Variants in MED1 observed in about 807,000 individuals in gnomAD.
MED1 encodes mediator of RNA polymerase II transcription subunit 1.
Under a neutral mutation model 121.3 loss-of-function variants are expected in MED1, and 17 were observed. The observed-to-expected ratio is 0.14, with a 90% CI of 0.10 to 0.21. The LOEUF (loss-of-function observed/expected upper bound fraction) is 0.21, where lower values mean the gene tolerates loss of function less well. Ranked by LOEUF, MED1 falls within the 10% of genes least tolerant of loss-of-function variation. MED1 has a pLI of 1.00. For synonymous variants in MED1, 661 were observed against 694.4 expected (o/e 0.95, Z 0.76); for missense variants, 1,558 against 1,919.4 (o/e 0.81, Z 3.52).
chr17:39,406,617 G>GT lies in MED1; in HGVS notation c.*857dup. The GT allele has an allele frequency of 1.0e-6, 1 of 984,060 alleles. No individual in the cohort carries two copies. The highest frequency in any genetic ancestry group is 1.2e-6 in the Non-Finnish European group (1 of 829,326). The allele number at this position is 984,060 out of a possible 1,614,324, so 61.0% of individuals were successfully genotyped here. A position where few individuals can be genotyped will look rare whatever the true frequency, so the allele number is the denominator to read the frequency against. ...TACAAGTCAATACCTCCACAGAGAG[G>GT]TAACTCCTAATATTCCTATGATCTC... On this transcript the variant is annotated 3_prime_UTR_variant, in exon 17 of 17. Transcript: ENST00000300651.
Position 39,427,767 on chromosome 17 carries a change from A to G in MED1, c.673T>C (p.Tyr225His). ...TCCAGTAGGTCAGAAGGAGAGACATAGTACTTCAGGTTCATTAAATGACCT... is the reference window on the plus strand; with the variant it reads ...TCCAGTAGGTCAGAAGGAGAGACATGGTACTTCAGGTTCATTAAATGACCT... ...SGGHLMNLKY[Y>H]VSPSDLLDDK... The change falls in exon 10 of 17, where the codon TAT becomes CAT. Residue 225 changes from tyrosine to histidine, a missense_variant. Tyr to His is a moderately conservative substitution (Grantham distance 83). Around this residue, in one of 5 missense-constraint regions of MED1, gnomAD observed 443 missense variants for 532.4 expected, o/e 0.83. Coordinates refer to ENST00000300651, the MANE Select transcript of MED1 (RefSeq NM_004774.4). 1.2e-6 allele frequency: 2 copies of G among 1,601,346 alleles called. No homozygotes were observed. Among genetic ancestry groups the G allele is most frequent in the Non-Finnish European group, 1.7e-6 (2 of 1,169,356 alleles).
chr17:39,410,421 C>T lies in MED1; in HGVS notation c.1800G>A (p.Gln600=), dbSNP rs2144716620. 1.2e-6 allele frequency: 2 copies of T among 1,614,074 alleles called. No homozygotes were observed. The highest frequency in any genetic ancestry group is 4.5e-5 in the East Asian group (2 of 44,866). Residue 600 remains glutamine (Q), a synonymous_variant, in exon 17 of 17, where the codon CAG becomes CAA. Transcript: ENST00000300651. The stretch of plus-strand genomic sequence containing the variant: ...GCAACAAACTGGTAAGAATTGGGTT[C>T]TGAGACACCTTGCTGAAGTCCTCCC... ...GHGEDFSKVS[Q]NPILTSLLQI... is the part of the protein sequence containing the mutation.
intron 6 of MED1, among the ~76,000 whole-genome samples, chr17:39,435,782 A>G (rs2048612663): frequency 6.6e-6 from 1 of 151,930 alleles, no homozygotes; most frequent in Non-Finnish European, 1.5e-5. Context: ...GCTCACTACA[A>G]CTTCCACCTC....
At chr17:39,445,095 T>C (rs944565392) in intron 2 of MED1, among the ~76,000 whole-genome samples, 22 of 152,172 alleles carry the variant, frequency 1.4e-4, no homozygotes, top group Non-Finnish European at 2.4e-4. Context: ...CTGAAATCTC[T>C]TGATTCTTGA....
At chr17:39,423,856 G>C in intron 11 of MED1, 35 bp from the exon 12 acceptor site, 1 of 1,562,712 alleles carries the variant, frequency 6.4e-7, no homozygotes. Context: ...GTTGGATTCT[G>C]ACTTGATATA....
At chr17:39,446,364 G>A (rs568977523) in intron 2 of MED1, among the ~76,000 whole-genome samples, 9 of 145,848 alleles carry the variant, frequency 6.2e-5, no homozygotes, top group East Asian at 4.1e-4. Flanking sequence ...GCAGGAGAAC[G>A]GCATGAACCC....
At chr17:39,447,718 A>C in intron 2 of MED1, 80 bp downstream of exon 2, 2 of 1,003,304 alleles carry the variant, frequency 2.0e-6, no homozygotes. Flanking sequence ...GATAGTATGA[A>C]CACATCTACA....
rs1372003764 is a variant in MED1 at position 39,405,249 on chromosome 17, A to G, written c.*2226T>C. The G allele has an allele frequency of 6.3e-7, 1 of 1,598,688 alleles. No individual in the cohort carries two copies. The highest frequency in any genetic ancestry group is 1.1e-5 in the South Asian group (1 of 88,106). On this transcript the variant is annotated 3_prime_UTR_variant, in exon 17 of 17. Transcript: ENST00000300651. Reference sequence around the variant, plus strand: ...CAGATGCTGGGTCAGTGTGGGGGTGAGCCCATCGACAATTCAGGGGCTTAT... The same window carrying G: ...CAGATGCTGGGTCAGTGTGGGGGTGGGCCCATCGACAATTCAGGGGCTTAT...
intron 16 of MED1, among the ~76,000 whole-genome samples, chr17:39,414,116 A>G (rs1181157458): frequency 1.3e-5 from 2 of 150,744 alleles, no homozygotes; most frequent in Non-Finnish European, 3.0e-5. Flanking sequence ...AATCCTAGCT[A>G]CTCAGGAGGG....
Position 39,410,356 on chromosome 17 carries a change from G to A in MED1, c.1865C>T (p.Pro622Leu), listed in dbSNP as rs904428289. 16 of 1,613,700 alleles carry A rather than the reference G, an allele frequency of 9.9e-6. No individual in the cohort carries two copies. Among genetic ancestry groups the A allele is most frequent in the Admixed American group, 5.0e-5 (3 of 59,930 alleles). ...TGGCGGCGTGTGATGAGGAGGGGTC[G>A]GACTCGAGCCAATGGTAGACCCCCC... ...GNGGSTIGSS[P>L]TPPHHTPPPV... Residue 622 changes from proline (P) to leucine (L), a missense_variant, in exon 17 of 17, where the codon CCG becomes CTG. Physicochemically the swap from Pro to Leu is moderately conservative, Grantham distance 98. Around this residue, in one of 5 missense-constraint regions of MED1, gnomAD observed 793 missense variants for 898.2 expected, o/e 0.88. Coordinates refer to ENST00000300651, the MANE Select transcript of MED1 (RefSeq NM_004774.4).
At position 39,440,140 on chromosome 17, in the gene MED1, G is replaced by A. The variant is rs1339930828; in HGVS notation, c.399+246C>T. ...GAAAAGAAAGAAAGGAAGGAAGGAA[G>A]GAAGGAAAGGGAAAAGGGTTCCTAT... On this transcript the variant is annotated intron_variant, in intron 5 of 16. Coordinates refer to ENST00000300651, the MANE Select transcript of MED1 (RefSeq NM_004774.4). This position sits in a 1 kb window ranked among gnomAD's most constrained non-coding sequence, Gnocchi z 4.1. Among the ~76,000 whole-genome samples the A allele has an allele frequency of 6.6e-6, 1 of 150,582 alleles. No homozygotes were observed. The highest frequency in any genetic ancestry group is 2.0e-4 in the East Asian group (1 of 5,102).
intron 6 of MED1, 24 bp downstream of exon 6, chr17:39,439,141 G>A (rs2048648286): frequency 6.3e-7 from 1 of 1,588,436 alleles, no homozygotes; most frequent in African/African-American, 1.4e-5. Context: ...TCAATATCAA[G>A]GAATATAAAT....
intron 2 of MED1, among the ~76,000 whole-genome samples, chr17:39,444,201 AT>A (rs2048705024): frequency 6.6e-6 from 1 of 152,082 alleles, no homozygotes; most frequent in Non-Finnish European, 1.5e-5. Flanking sequence ...AGAAAATGAG[AT>A]TGACTCTAAA....
chr17:39,417,032 T>C (rs976756828), intron 14 of MED1, among the ~76,000 whole-genome samples: 3 of 151,964 alleles, frequency 2.0e-5, no homozygotes, highest in East Asian at 1.9e-4. Flanking sequence ...AGCAAGACCC[T>C]GTATCAAGAA....
intron 7 of MED1, 54 bp downstream of exon 7, chr17:39,434,195 T>A (rs2048596944): frequency 4.6e-6 from 6 of 1,290,876 alleles, no homozygotes; most frequent in Non-Finnish European, 2.2e-6. Context: ...TAAGGTGGCT[T>A]ATAGATTTAT....
At chr17:39,417,432 T>A (rs1401292964) in intron 14 of MED1, among the ~76,000 whole-genome samples, 1 of 150,076 alleles carries the variant, frequency 6.7e-6, no homozygotes, top group East Asian at 2.0e-4. Context: ...ATCGAGACCA[T>A]CCTGGCCAAC....
chr17:39,411,346 C>T (rs1023608173), intron 16 of MED1, among the ~76,000 whole-genome samples: 11 of 151,962 alleles, frequency 7.2e-5, no homozygotes, highest in African/African-American at 2.2e-4. Flanking sequence ...TTAGGTCGGG[C>T]GCGGTGGCTC....
chr17:39,429,647 G>C (rs2048546077), intron 9 of MED1, among the ~76,000 whole-genome samples: 2 of 126,682 alleles, frequency 1.6e-5, no homozygotes, highest in South Asian at 5.2e-4. Context: ...AATGAGCCAA[G>C]ATCGCGCCAC....
At chr17:39,428,679 G>A in intron 9 of MED1, among the ~76,000 whole-genome samples, 1 of 151,762 alleles carries the variant, frequency 6.6e-6, no homozygotes, top group East Asian at 1.9e-4. Context: ...GCGCTTGGGT[G>A]TGGTGGCACA....
Sources: allele counts gnomAD v4.1 joint callset (sites outside exome capture counted in the v4.1 genomes callset), GRCh38; gene constraint gnomAD v4.1.1; regional missense constraint gnomAD v4.1.1; non-coding constraint Gnocchi (gnomAD v3.1); transcripts MANE v1.5; gene names NCBI Gene and HGNC (gene_info 2026-07-23, HGNC 2026-07-21).